The following PEX5L variants were observed in gnomAD, a reference collection of about 807,000 sequenced individuals.
The protein encoded by PEX5L is peroxisomal biogenesis factor 5 like, also known as PEX5-related protein.
PEX5L carries 30 observed loss-of-function variants against 84.0 expected under a neutral mutation model. The ratio of observed to expected loss-of-function variants is 0.36; its 90% CI spans 0.27 to 0.48. PEX5L has a LOEUF of 0.48. Ranked by LOEUF, PEX5L falls within the 20% of genes least tolerant of loss-of-function variation. The pLI is 0.99. For missense variants in PEX5L, 533 were observed against 754.6 expected, an observed-to-expected ratio of 0.71 and a Z score of 3.44; for synonymous variants, 270 against 283.1, an observed-to-expected ratio of 0.95 and a Z score of 0.46.
intron 7 of PEX5L, 131 bp from the exon 8 acceptor site, chr3:179,859,288 G>T: frequency 1.5e-6 from 1 of 682,308 alleles, no homozygotes; most frequent in Non-Finnish European, 2.6e-6. Context: ...TGACATTTTT[G>T]GAGTACTGTG....
At chr3:180,016,958 C>G (rs1370957670) in intron 1 of PEX5L, among the ~76,000 whole-genome samples, 1 of 152,122 alleles carries the variant, frequency 6.6e-6, no homozygotes, top group Admixed American at 6.5e-5. Context: ...TATTTTATTG[C>G]TAACTTTTTA....
chr3:179,924,744 G>GGCATT (rs1314469594), intron 2 of PEX5L, among the ~76,000 whole-genome samples: 6 of 152,124 alleles, frequency 3.9e-5, no homozygotes, highest in Non-Finnish European at 5.9e-5. Flanking sequence ...CAAAAAGGAT[G>GGCATT]GCATTTCCTT....
rs974401345 is a variant in PEX5L, at chr3:179,799,200, G to A, written c.*2628C>T. Reference sequence around the variant, plus strand: ...CCCAAAGTGCTAGGATTACAGGCGTGAGCCACCGCACCTGGCCTGTCACTC... The same window carrying A: ...CCCAAAGTGCTAGGATTACAGGCGTAAGCCACCGCACCTGGCCTGTCACTC... On this transcript the variant is annotated 3_prime_UTR_variant, in exon 15 of 15. Transcript: ENST00000467460. The A allele has an allele frequency of 2.0e-5, 3 of 152,108 alleles. No homozygotes were observed. Among genetic ancestry groups the A allele is most frequent in the Non-Finnish European group, 2.9e-5 (2 of 68,024 alleles). The allele number at this position is 152,108 out of a possible 1,614,324, so 9.4% of individuals were successfully genotyped here. A position where few individuals can be genotyped will look rare whatever the true frequency, so the allele number is the denominator to read the frequency against.
chr3:179,815,125 G>A (rs114914027), intron 10 of PEX5L, among the ~76,000 whole-genome samples: 2,479 of 152,266 alleles, frequency 0.016, 68 homozygotes, highest in African/African-American at 0.057. Flanking sequence ...CACCTGATAT[G>A]TTTTCTCAGC....
intron 1 of PEX5L, among the ~76,000 whole-genome samples, chr3:180,024,589 A>G (rs944852482): frequency 8.6e-5 from 13 of 151,296 alleles, no homozygotes; most frequent in Non-Finnish European, 1.3e-4. Context: ...TGGTTCAGAT[A>G]GGTGCACAAA....
chr3:179,819,757 T>C lies in PEX5L; in HGVS notation c.939+103A>G, dbSNP rs1179210374. The stretch of plus-strand genomic sequence containing the variant: ...TCAGATTGACATTAAATTGTCTTTT[T>C]AATTACTGTGTTTTTGACAGAATAG... On this transcript the variant is annotated intron_variant, in intron 9 of 14. Coordinates refer to ENST00000467460, the MANE Select transcript of PEX5L (RefSeq NM_016559.3). 9 of 988,662 alleles carry C rather than the reference T, an allele frequency of 9.1e-6. No individual in the cohort carries two copies. In the Admixed American group the frequency reaches 1.3e-4, roughly 14 times the overall value. The allele number at this position is 988,662 out of a possible 1,614,324, so 61.2% of individuals were successfully genotyped here. A position where few individuals can be genotyped will look rare whatever the true frequency, so the allele number is the denominator to read the frequency against.
At chr3:179,848,688 CAG>C (rs1740612302) in intron 8 of PEX5L, among the ~76,000 whole-genome samples, 1 of 151,974 alleles carries the variant, frequency 6.6e-6, no homozygotes, top group South Asian at 2.1e-4. Context: ...TTTAGAATAT[CAG>C]AGCTGGAAGG....
At position 179,798,460 on chromosome 3, in the gene PEX5L, G is replaced by A. The variant is rs1157986805; in HGVS notation, c.*3368C>T. On this transcript the variant is annotated 3_prime_UTR_variant, in exon 15 of 15. Coordinates refer to ENST00000467460, the MANE Select transcript of PEX5L (RefSeq NM_016559.3). ...CCTCTGTCTCCTCCTCACCAGGAAGGTACAACAGCATGTAGAAGTAGCCTA... is the reference window on the plus strand; with the variant it reads ...CCTCTGTCTCCTCCTCACCAGGAAGATACAACAGCATGTAGAAGTAGCCTA... 6.6e-6 allele frequency: 1 copy of A among 152,146 alleles called. No individual in the cohort carries two copies. Among genetic ancestry groups the A allele is most frequent in the African/African-American group, 2.4e-5 (1 of 41,434 alleles). The allele number at this position is 152,146 out of a possible 1,614,324, so 9.4% of individuals were successfully genotyped here. A position where few individuals can be genotyped will look rare whatever the true frequency, so the allele number is the denominator to read the frequency against.
intron 8 of PEX5L, 70 bp downstream of exon 8, chr3:179,858,992 T>C (rs751508101): frequency 3.2e-6 from 3 of 928,538 alleles, no homozygotes; most frequent in Non-Finnish European, 5.4e-6. Flanking sequence ...TCTATCTTGC[T>C]GAAGTTTGAT....
At chr3:179,899,336 T>G (rs980280449) in intron 2 of PEX5L, among the ~76,000 whole-genome samples, 5 of 152,108 alleles carry the variant, frequency 3.3e-5, no homozygotes, top group African/African-American at 9.7e-5. Flanking sequence ...AATAATTTTA[T>G]ACTAAGAAAA....
intron 2 of PEX5L, among the ~76,000 whole-genome samples, chr3:179,953,069 A>G (rs1475667611): frequency 6.6e-6 from 1 of 151,642 alleles, no homozygotes; most frequent in East Asian, 1.9e-4. Context: ...CTGAAACTGA[A>G]CCCCTTCCTT....
intron 1 of PEX5L, among the ~76,000 whole-genome samples, chr3:180,005,541 A>C (rs1182230845): frequency 6.6e-6 from 1 of 152,198 alleles, no homozygotes; most frequent in Non-Finnish European, 1.5e-5. Context: ...ATTCTGGCTA[A>C]CATGGTGAAA....
At chr3:180,036,212 C>T (rs1791894292) in intron 1 of PEX5L, among the ~76,000 whole-genome samples, 1 of 152,138 alleles carries the variant, frequency 6.6e-6, no homozygotes, top group Non-Finnish European at 1.5e-5. Flanking sequence ...TTTGTCTTTC[C>T]TATTATTGTT....
intron 2 of PEX5L, among the ~76,000 whole-genome samples, chr3:179,949,854 A>G (rs1450905925): frequency 1.3e-5 from 2 of 152,180 alleles, no homozygotes; most frequent in Non-Finnish European, 1.5e-5. Context: ...ATAAAAATGA[A>G]TAAGATGCAG....
At chr3:179,938,757 A>G (rs1042702995) in intron 2 of PEX5L, among the ~76,000 whole-genome samples, 1 of 152,218 alleles carries the variant, frequency 6.6e-6, no homozygotes, top group African/African-American at 2.4e-5. Context: ...TATGGATGAC[A>G]TTACTTCATT....
At chr3:179,917,484 C>T (rs570369768) in intron 2 of PEX5L, among the ~76,000 whole-genome samples, 1 of 152,282 alleles carries the variant, frequency 6.6e-6, no homozygotes, top group East Asian at 1.9e-4. Context: ...TATACTTATA[C>T]ATCTGGCAGC....
At chr3:179,999,075 G>A (rs1357780942) in intron 1 of PEX5L, among the ~76,000 whole-genome samples, 1 of 152,206 alleles carries the variant, frequency 6.6e-6, no homozygotes, top group Non-Finnish European at 1.5e-5. Context: ...TTACATGGAA[G>A]GAGAAATGGC....
rs1756531618 is a variant in PEX5L, at chr3:179,888,281, A to G, written c.199-497T>C. ...CTCGTCTCCCTCTCTTAAAAAGCTCAGGTCACCTAAAAACACACCCTCTAC... is the reference window on the plus strand; with the variant it reads ...CTCGTCTCCCTCTCTTAAAAAGCTCGGGTCACCTAAAAACACACCCTCTAC... On this transcript the variant is annotated intron_variant, in intron 3 of 14. Coordinates refer to ENST00000467460, the MANE Select transcript of PEX5L (RefSeq NM_016559.3). 8 of 561,212 alleles carry G rather than the reference A, an allele frequency of 1.4e-5. No homozygotes were observed. In the Admixed American group the frequency reaches 2.1e-4, roughly 15 times the overall value. 34.8% of individuals were successfully genotyped at this position (561,212 alleles called of 1,614,324 possible). A position where few individuals can be genotyped will look rare whatever the true frequency, so the allele number is the denominator to read the frequency against.
chr3:179,930,573 G>A (rs1772805567), intron 2 of PEX5L, among the ~76,000 whole-genome samples: 1 of 152,164 alleles, frequency 6.6e-6, no homozygotes, highest in African/African-American at 2.4e-5. Flanking sequence ...GACTTGTCCT[G>A]TACTATGTCT....
Sources: gnomAD v4.1 joint callset for allele counts (sites outside exome capture counted in the v4.1 genomes callset) on GRCh38, gnomAD v4.1.1 for gene constraint, MANE v1.5 for transcripts, NCBI Gene and HGNC (gene_info 2026-07-23, HGNC 2026-07-21) for gene names.